NDST4: variants seen among roughly 807,000 people sequenced by gnomAD.
NDST4 encodes N-heparan sulfate sulfotransferase 4.
Under a neutral mutation model 100.8 loss-of-function variants are expected in NDST4, and 63 were observed. The ratio of observed to expected loss-of-function variants is 0.62; its 90% CI spans 0.51 to 0.77. NDST4 has a LOEUF of 0.77. Ranked by LOEUF, NDST4 falls within the 30% of genes least tolerant of loss-of-function variation. The pLI is 0.00. For missense variants in NDST4, 943 were observed against 1,018.4 expected, an observed-to-expected ratio of 0.93 and a Z score of 1.01; for synonymous variants, 377 against 361.8, an observed-to-expected ratio of 1.04 and a Z score of -0.48.
chr4:114,994,621 T>A, intron 2 of NDST4, among the ~76,000 whole-genome samples: 1 of 152,144 alleles, frequency 6.6e-6, no homozygotes, highest in Non-Finnish European at 1.5e-5. Context: ...CTGAGATGAA[T>A]AGGAAATCAT....
chr4:114,996,056 T>G (rs1263909151), intron 2 of NDST4, among the ~76,000 whole-genome samples: 2 of 152,106 alleles, frequency 1.3e-5, no homozygotes, highest in Non-Finnish European at 2.9e-5. Context: ...GAGATCATAA[T>G]CCAGGTTCTC....
At chr4:114,868,903 C>T (rs972931900) in intron 7 of NDST4, among the ~76,000 whole-genome samples, 1 of 149,476 alleles carries the variant, frequency 6.7e-6, no homozygotes, top group East Asian at 1.9e-4. Flanking sequence ...GAACTTACCC[C>T]TATGATATTA....
chr4:114,967,671 A>G (rs1018716690), intron 4 of NDST4, among the ~76,000 whole-genome samples: 1 of 152,150 alleles, frequency 6.6e-6, no homozygotes, highest in Non-Finnish European at 1.5e-5. Flanking sequence ...AGGTAAGTTT[A>G]TTTTTGAAAT....
At chr4:114,981,344 T>A (rs1218682321) in intron 2 of NDST4, among the ~76,000 whole-genome samples, 1 of 152,184 alleles carries the variant, frequency 6.6e-6, no homozygotes, top group Non-Finnish European at 1.5e-5. Context: ...AGTAATGGTA[T>A]TCAAACTTTA....
intron 6 of NDST4, 74 bp from the exon 7 acceptor site, chr4:114,871,024 A>C (rs1042035959): frequency 2.0e-5 from 21 of 1,061,174 alleles, no homozygotes; most frequent in Non-Finnish European, 2.8e-5. Flanking sequence ...AGCCCCAGGC[A>C]GCACCTCACC....
chr4:115,059,861 G>C (rs1238956147), intron 2 of NDST4, among the ~76,000 whole-genome samples: 1 of 151,510 alleles, frequency 6.6e-6, no homozygotes, highest in Non-Finnish European at 1.5e-5. Context: ...TTTTATAATA[G>C]TGTTTCTGGT....
At chr4:115,082,997 T>A (rs1729333683) in intron 1 of NDST4, among the ~76,000 whole-genome samples, 1 of 152,236 alleles carries the variant, frequency 6.6e-6, no homozygotes, top group East Asian at 1.9e-4. Flanking sequence ...CTTAAGAATT[T>A]GCAATAATTT....
At chr4:115,022,058 A>G (rs1034834303) in intron 2 of NDST4, among the ~76,000 whole-genome samples, 25 of 151,138 alleles carry the variant, frequency 1.7e-4, no homozygotes, top group African/African-American at 5.7e-4. Context: ...TCTATGTTCC[A>G]TATATACATT....
At chr4:114,840,770 G>A (rs570011116) in intron 10 of NDST4, among the ~76,000 whole-genome samples, 1 of 152,250 alleles carries the variant, frequency 6.6e-6, no homozygotes, top group African/African-American at 2.4e-5. Context: ...ACTGGTCCGT[G>A]CTATGACTGT....
At chr4:114,858,489 G>A (rs1723846202) in intron 7 of NDST4, among the ~76,000 whole-genome samples, 1 of 152,172 alleles carries the variant, frequency 6.6e-6, no homozygotes, top group South Asian at 2.1e-4. Context: ...TCTACAAGTT[G>A]CTCGCCTGAG....
At chr4:115,039,671 A>G (rs1250049627) in intron 2 of NDST4, among the ~76,000 whole-genome samples, 11 of 152,130 alleles carry the variant, frequency 7.2e-5, no homozygotes, top group Admixed American at 7.2e-4. Context: ...ATGTCTCTCT[A>G]TACGACAATG....
At chr4:114,986,018 G>A (rs1346567622) in intron 2 of NDST4, among the ~76,000 whole-genome samples, 1 of 152,106 alleles carries the variant, frequency 6.6e-6, no homozygotes, top group Non-Finnish European at 1.5e-5. Flanking sequence ...GGAACTAACT[G>A]CACACAAAAT....
chr4:115,032,350 G>C (rs1728134039), intron 2 of NDST4, among the ~76,000 whole-genome samples: 1 of 152,032 alleles, frequency 6.6e-6, no homozygotes, highest in Non-Finnish European at 1.5e-5. Flanking sequence ...GTGGAATCAT[G>C]ATTTTTATGT....
chr4:115,070,790 A>G (rs1048023423), intron 2 of NDST4, among the ~76,000 whole-genome samples: 1 of 152,156 alleles, frequency 6.6e-6, no homozygotes, highest in Non-Finnish European at 1.5e-5. Flanking sequence ...AGAAATAATG[A>G]GCATTTAACT....
At chr4:115,088,641 C>T (rs1029432956) in intron 1 of NDST4, among the ~76,000 whole-genome samples, 1 of 151,838 alleles carries the variant, frequency 6.6e-6, no homozygotes, top group Non-Finnish European at 1.5e-5. Flanking sequence ...CTCTCACCCC[C>T]ACTCCCGCCC....
intron 4 of NDST4, among the ~76,000 whole-genome samples, chr4:114,960,244 T>C (rs1726231534): frequency 6.6e-6 from 1 of 152,218 alleles, no homozygotes; most frequent in Non-Finnish European, 1.5e-5. Flanking sequence ...CAAACCTCTC[T>C]TACAAGAAAT....
chr4:114,884,574 T>C (rs1258357109), intron 6 of NDST4, among the ~76,000 whole-genome samples: 3 of 152,164 alleles, frequency 2.0e-5, no homozygotes, highest in Non-Finnish European at 4.4e-5. Flanking sequence ...ATATTTTGTC[T>C]AAACACCTCA....
At chr4:114,878,579 G>A (rs920005031) in intron 6 of NDST4, among the ~76,000 whole-genome samples, 1 of 152,098 alleles carries the variant, frequency 6.6e-6, no homozygotes, top group African/African-American at 2.4e-5. Flanking sequence ...CATGAAATTT[G>A]AAATTAGAAT....
intron 3 of NDST4, among the ~76,000 whole-genome samples, chr4:114,973,801 G>T (rs953839497): frequency 6.6e-6 from 1 of 151,490 alleles, no homozygotes; most frequent in African/African-American, 2.4e-5. Flanking sequence ...CCTTATATTT[G>T]TGTAATTTGT....
Sources: allele counts gnomAD v4.1 joint callset (sites outside exome capture counted in the v4.1 genomes callset), GRCh38; gene constraint gnomAD v4.1.1; transcripts MANE v1.5; gene names NCBI Gene and HGNC (gene_info 2026-07-23, HGNC 2026-07-21).